The following CADM2 variants were observed in gnomAD, a reference collection of about 807,000 sequenced individuals.
CADM2 encodes cell adhesion molecule 2.
Under a neutral mutation model 49.8 loss-of-function variants are expected in CADM2, and 12 were observed. That is an observed-to-expected ratio of 0.24 (90% CI 0.15 to 0.39). The LOEUF is 0.39. Ranked by LOEUF, CADM2 falls within the 10% of genes least tolerant of loss-of-function variation. CADM2 has a pLI of 1.00. For missense variants in CADM2, 378 were observed against 492.3 expected (o/e 0.77, Z 2.20); for synonymous variants, 214 against 175.4 (o/e 1.22, Z -1.74).
chr3:85,545,810 C>A (rs1261687854), intron 1 of CADM2, among the ~76,000 whole-genome samples: 1 of 152,074 alleles, frequency 6.6e-6, no homozygotes, highest in East Asian at 1.9e-4. Flanking sequence ...AAAAAGTAAA[C>A]CTGAAATTTA....
intron 3 of CADM2, among the ~76,000 whole-genome samples, chr3:85,857,071 T>C (rs2075344319): frequency 2.0e-5 from 3 of 152,314 alleles, no homozygotes; most frequent in African/African-American, 7.2e-5. Flanking sequence ...TGATGTTCTC[T>C]TTCAGGTTGT....
At chr3:85,652,317 G>T (rs1182159923) in intron 1 of CADM2, among the ~76,000 whole-genome samples, 1 of 152,020 alleles carries the variant, frequency 6.6e-6, no homozygotes, top group African/African-American at 2.4e-5. Context: ...TAGTTGTCTT[G>T]CATCATAACA....
At chr3:85,572,692 C>T (rs189446787) in intron 1 of CADM2, among the ~76,000 whole-genome samples, 1 of 152,268 alleles carries the variant, frequency 6.6e-6, no homozygotes, top group Admixed American at 6.5e-5. Flanking sequence ...TCTTTAAGTC[C>T]TGGAGTCCAA....
rs905373716 is a variant in CADM2, at chr3:85,326,801, A to G, written c.61+367133A>G. 1.1e-4 allele frequency among the ~76,000 whole-genome samples: 17 copies of G among 152,250 alleles called. 1 individual carries two copies. The highest frequency in any genetic ancestry group is 2.2e-4 in the African/African-American group (9 of 41,550). Reference sequence around the variant, plus strand: ...ACACTGAAAATATTGGATTTTTACTATGGCTTAAATATAATTATATGGTGG... The same window carrying G: ...ACACTGAAAATATTGGATTTTTACTGTGGCTTAAATATAATTATATGGTGG... On this transcript the variant is annotated intron_variant, in intron 1 of 9. Coordinates refer to ENST00000383699, the MANE Select transcript of CADM2 (RefSeq NM_001167675.2).
chr3:85,817,162 G>A (rs1384305320), intron 3 of CADM2, among the ~76,000 whole-genome samples: 1 of 152,146 alleles, frequency 6.6e-6, no homozygotes, highest in Admixed American at 6.6e-5. Flanking sequence ...TAGTACCAAA[G>A]TGTGGGTATT....
rs1057133805 is a variant in CADM2 at position 85,275,737 on chromosome 3, C to T, written c.61+316069C>T. On this transcript the variant is annotated intron_variant, in intron 1 of 9. Coordinates refer to ENST00000383699, the MANE Select transcript of CADM2 (RefSeq NM_001167675.2). ...AGATGATGAGGTAATGATTATAATA[C>T]CTTTTCACTTTCTTTATTGAAACCA... 4.0e-5 allele frequency among the ~76,000 whole-genome samples: 6 copies of T among 150,880 alleles called. No homozygotes were observed. In the South Asian group the frequency reaches 1.2e-3, roughly 31 times the overall value.
intron 2 of CADM2, among the ~76,000 whole-genome samples, chr3:85,789,757 A>G (rs61371129): frequency 0.054 from 8,221 of 152,252 alleles, 637 homozygotes; most frequent in African/African-American, 0.17. Context: ...AGTCTTCATT[A>G]CAAAAATCTA....
At chr3:85,543,427 T>TGGGGGTGTGTGTGTGTGTGGGG (rs1553739554) in intron 1 of CADM2, among the ~76,000 whole-genome samples, 1 of 53,316 alleles carries the variant, frequency 1.9e-5, no homozygotes, top group South Asian at 8.2e-4. Context: ...CTAATGTGTG[T>TGGGGGTGTGTGTGTGTGTGGGG]GTGTGTGTGT....
At chr3:85,190,100 G>C (rs979161470) in intron 1 of CADM2, among the ~76,000 whole-genome samples, 1 of 151,612 alleles carries the variant, frequency 6.6e-6, no homozygotes, top group African/African-American at 2.4e-5. Flanking sequence ...AATGAAATCT[G>C]TTATTTTGAC....
chr3:85,674,174 A>C (rs1232172201), intron 1 of CADM2, among the ~76,000 whole-genome samples: 1 of 152,212 alleles, frequency 6.6e-6, no homozygotes, highest in Non-Finnish European at 1.5e-5. Flanking sequence ...GCAGACACAC[A>C]GAACTGTATT....
chr3:85,399,181 G>T (rs1182143878), intron 1 of CADM2, among the ~76,000 whole-genome samples: 1 of 152,172 alleles, frequency 6.6e-6, no homozygotes, highest in Non-Finnish European at 1.5e-5. Context: ...GTGTAAGGAA[G>T]GGATCCACTT....
At chr3:85,343,364 A>G (rs1283507652) in intron 1 of CADM2, among the ~76,000 whole-genome samples, 2 of 152,266 alleles carry the variant, frequency 1.3e-5, no homozygotes, top group East Asian at 3.9e-4. Context: ...TGGAATAGAA[A>G]CCCAGATAAC....
intron 1 of CADM2, among the ~76,000 whole-genome samples, chr3:85,607,229 A>T (rs1380464035): frequency 2.0e-5 from 3 of 152,176 alleles, no homozygotes; most frequent in Non-Finnish European, 4.4e-5. Flanking sequence ...GACACATAGC[A>T]AAGAATGCAA....
intron 6 of CADM2, among the ~76,000 whole-genome samples, chr3:85,924,539 C>A (rs1373716597): frequency 1.3e-5 from 2 of 151,618 alleles, no homozygotes; most frequent in African/African-American, 2.4e-5. Context: ...CTGCAGTGAG[C>A]CGAGATGGCA....
At chr3:85,159,719 C>G (rs913045649) in intron 1 of CADM2, among the ~76,000 whole-genome samples, 2 of 152,074 alleles carry the variant, frequency 1.3e-5, no homozygotes, top group African/African-American at 4.8e-5. Flanking sequence ...ATTTTTGCTT[C>G]TTTTACTCCC....
At chr3:85,168,407 T>C (rs2040528762) in intron 1 of CADM2, among the ~76,000 whole-genome samples, 1 of 152,204 alleles carries the variant, frequency 6.6e-6, no homozygotes, top group South Asian at 2.1e-4. Flanking sequence ...ATGTACATAA[T>C]TGACCATGTT....
intron 6 of CADM2, among the ~76,000 whole-genome samples, chr3:85,921,639 G>A (rs532485295): frequency 1.3e-5 from 2 of 152,074 alleles, no homozygotes; most frequent in South Asian, 4.1e-4. Context: ...CACAACTGAA[G>A]AACTAATATT....
chr3:85,886,123 G>T, intron 4 of CADM2, 67 bp from the exon 5 acceptor site: 1 of 1,587,408 alleles, frequency 6.3e-7, no homozygotes. Context: ...ATGTGTGAAA[G>T]TAATAGACAT....
chr3:85,343,628 T>C (rs1381445389), intron 1 of CADM2, among the ~76,000 whole-genome samples: 1 of 152,306 alleles, frequency 6.6e-6, no homozygotes, highest in Non-Finnish European at 1.5e-5. Context: ...CTAGGAATTG[T>C]AGACTAAAAA....
Sources: gnomAD v4.1 joint callset for allele counts (sites outside exome capture counted in the v4.1 genomes callset) on GRCh38, gnomAD v4.1.1 for gene constraint, MANE v1.5 for transcripts, NCBI Gene and HGNC (gene_info 2026-07-23, HGNC 2026-07-21) for gene names.